RASEF: variants seen among roughly 807,000 people sequenced by gnomAD.
The protein encoded by RASEF is RAS and EF-hand domain containing.
In RASEF, 68 loss-of-function variants were observed where a neutral mutation model predicts 90.1. The observed-to-expected ratio is 0.75, with a 90% CI of 0.62 to 0.92. RASEF has a LOEUF of 0.92. Ranked by LOEUF, RASEF falls within the 40% of genes least tolerant of loss-of-function variation. The probability of loss-of-function intolerance (pLI) is 0.00; values close to 1 mark genes in which losing one functional copy is unlikely to be tolerated. For synonymous variants in RASEF, 331 were observed against 345.2 expected, an observed-to-expected ratio of 0.96 and a Z score of 0.46; for missense variants, 949 against 937.2, an observed-to-expected ratio of 1.01 and a Z score of -0.16.
In RASEF at chr9:83,062,963, C is replaced by T. The variant is rs1234253013; in HGVS notation, c.-96G>A. The T allele has an allele frequency of 7.7e-6, 10 of 1,291,268 alleles. No homozygotes were observed. The East Asian group carries it at 2.5e-4, about 32-fold the overall frequency. The allele number at this position is 1,291,268 out of a possible 1,614,324, so 80.0% of individuals were successfully genotyped here. On this transcript the variant is annotated 5_prime_UTR_variant, in exon 1 of 17. Coordinates refer to ENST00000376447, the MANE Select transcript of RASEF (RefSeq NM_152573.4). The stretch of plus-strand genomic sequence containing the variant: ...GGCCACCTGCTGCCGCCGGGAGGCC[C>T]GGCGAGTTTGGCTCGTCCGGCTGGT...
At chr9:83,085,366 G>A in the RASEF span, among the ~76,000 whole-genome samples, 4 of 152,214 alleles carry the variant, frequency 2.6e-5, no homozygotes, top group African/African-American at 4.8e-5. Context: ...GGACACAGTG[G>A]CTCACGCCTG....
At chr9:83,009,791 A>G (rs1462233972) in intron 5 of RASEF, 35 bp from the exon 6 acceptor site, 1 of 1,333,064 alleles carries the variant, frequency 7.5e-7, no homozygotes, top group Non-Finnish European at 1.1e-6. Context: ...CATTAGATTC[A>G]GATTTTCCTC....
rs78037900 is a variant in RASEF at position 83,043,221 on chromosome 9, C to T, written c.432-17300G>A. 6.9e-3 allele frequency among the ~76,000 whole-genome samples: 1,044 copies of T among 152,196 alleles called. 10 individuals carry two copies. The highest frequency in any genetic ancestry group is 0.024 in the African/African-American group (1,002 of 41,508). ...TTTAGTAAACTGGATAAATCAATTG[C>T]GGTATTTTCACACTGTGGAATAGAC... On this transcript the variant is annotated intron_variant, in intron 1 of 16. Coordinates refer to ENST00000376447, the MANE Select transcript of RASEF (RefSeq NM_152573.4).
At position 83,005,491 on chromosome 9, in the gene RASEF, G is replaced by A; in HGVS notation, c.1038C>T (p.Asn346=). The change falls in exon 8 of 17, where the codon AAC becomes AAT. Residue 346 remains asparagine, a synonymous_variant. Transcript: ENST00000376447. Reference sequence around the variant, plus strand: ...CATCATTACTGTCATGTAGCTTCCGGTTAGCTGTTCTGCAGGGTAAAGAAA... The same window carrying A: ...CATCATTACTGTCATGTAGCTTCCGATTAGCTGTTCTGCAGGGTAAAGAAA... The part of the protein sequence containing the change: ...ERQIEILQTA[N]RKLHDSNDGL... The A allele has an allele frequency of 1.2e-6, 2 of 1,613,494 alleles. No individual in the cohort carries two copies. The highest frequency in any genetic ancestry group is 3.3e-4 in the Middle Eastern group (2 of 6,060).
At chr9:83,033,027 C>T (rs1333034124) in intron 1 of RASEF, among the ~76,000 whole-genome samples, 1 of 152,146 alleles carries the variant, frequency 6.6e-6, no homozygotes, top group Admixed American at 6.5e-5. Context: ...GAAAACTGGC[C>T]TTTAGATCCC....
At chr9:83,071,525 C>A in the RASEF span, among the ~76,000 whole-genome samples, 2 of 152,150 alleles carry the variant, frequency 1.3e-5, no homozygotes, top group Non-Finnish European at 2.9e-5. Flanking sequence ...CCCACCTCAG[C>A]CTCTTGAGTA....
At position 83,035,553 on chromosome 9, in the gene RASEF, G is replaced by A. The variant is rs551600788; in HGVS notation, c.432-9632C>T. Among the ~76,000 whole-genome samples the A allele has an allele frequency of 3.4e-3, 516 of 152,264 alleles. 5 individuals carry two copies. The highest frequency in any genetic ancestry group is 0.012 in the African/African-American group (496 of 41,552). On this transcript the variant is annotated intron_variant, in intron 1 of 16. Coordinates refer to ENST00000376447, the MANE Select transcript of RASEF (RefSeq NM_152573.4). ...TACAGTATGTATGTGCTATACGTGT[G>A]TACATGTATATGTAAGAATATGCAG... is the stretch of plus-strand genomic sequence containing the variant.
At chr9:83,070,899 A>G in the RASEF span, among the ~76,000 whole-genome samples, 1 of 152,224 alleles carries the variant, frequency 6.6e-6, no homozygotes, top group Non-Finnish European at 1.5e-5. Context: ...AAGACATAAC[A>G]CTTTAATTTC....
chr9:83,039,074 T>A (rs2118631675), intron 1 of RASEF, among the ~76,000 whole-genome samples: 1 of 152,288 alleles, frequency 6.6e-6, no homozygotes, highest in South Asian at 2.1e-4. Context: ...AGAAACAAAT[T>A]CTTCCCTCCC....
At chr9:83,014,160 T>C (rs1238968736) in intron 4 of RASEF, among the ~76,000 whole-genome samples, 2 of 152,222 alleles carry the variant, frequency 1.3e-5, no homozygotes, top group Non-Finnish European at 1.5e-5. Flanking sequence ...GTAAGCATAG[T>C]ATGCATGGCC....
At chr9:83,081,401 TTTTTG>T in the RASEF span, among the ~76,000 whole-genome samples, 1 of 152,234 alleles carries the variant, frequency 6.6e-6, no homozygotes, top group Non-Finnish European at 1.5e-5. Context: ...ATGACTCTGG[TTTTTG>T]TTTTGTTTTG....
At chr9:83,212,313 A>G in the RASEF span, among the ~76,000 whole-genome samples, 2 of 152,152 alleles carry the variant, frequency 1.3e-5, no homozygotes, top group Non-Finnish European at 2.9e-5. Flanking sequence ...ATTACCTCTC[A>G]CTTTTAATTA....
intron 16 of RASEF, among the ~76,000 whole-genome samples, chr9:82,989,769 T>A (rs1255337450): frequency 6.6e-6 from 1 of 152,172 alleles, no homozygotes; most frequent in Non-Finnish European, 1.5e-5. Context: ...TCTAGGCCAG[T>A]AAAGAATAAT....
At chr9:83,101,280 G>T in the RASEF span, among the ~76,000 whole-genome samples, 1 of 152,094 alleles carries the variant, frequency 6.6e-6, no homozygotes, top group Non-Finnish European at 1.5e-5. Flanking sequence ...AATTTTCCAG[G>T]TTCCTGACTA....
At chr9:83,056,083 C>T (rs1830096770) in intron 1 of RASEF, among the ~76,000 whole-genome samples, 1 of 152,184 alleles carries the variant, frequency 6.6e-6, no homozygotes, top group South Asian at 2.1e-4. Context: ...AACATTTGCA[C>T]TACTGGAGCT....
At chr9:83,021,842 A>G (rs1331967491) in intron 3 of RASEF, among the ~76,000 whole-genome samples, 1 of 152,218 alleles carries the variant, frequency 6.6e-6, no homozygotes, top group Non-Finnish European at 1.5e-5. Flanking sequence ...CCTGGAACCA[A>G]TCCCCTTGGG....
At position 83,062,690 on chromosome 9, in the gene RASEF, C is replaced by G; in HGVS notation, c.178G>C (p.Gly60Arg). ...GCGAACTCCTGGAAGGTGATGGCGCCGTCACGGTCGGCGTCCAGCCGCTGG... is the reference window on the plus strand; with the variant it reads ...GCGAACTCCTGGAAGGTGATGGCGCGGTCACGGTCGGCGTCCAGCCGCTGG... The part of the protein sequence containing the change: ...VFQRLDADRD[G>R]AITFQEFARG... The change falls in exon 1 of 17, where the codon GGC becomes CGC. Residue 60 changes from glycine (G) to arginine (R), a missense_variant. Coordinates refer to ENST00000376447, the MANE Select transcript of RASEF (RefSeq NM_152573.4). The G allele has an allele frequency of 1.3e-6, 2 of 1,574,806 alleles. No homozygotes were observed. Among genetic ancestry groups the G allele is most frequent in the Non-Finnish European group, 1.7e-6 (2 of 1,169,134 alleles).
chr9:83,136,909 T>G, the RASEF span, among the ~76,000 whole-genome samples: 4 of 152,146 alleles, frequency 2.6e-5, no homozygotes, highest in African/African-American at 9.6e-5. Flanking sequence ...TAAACATGTC[T>G]ATTTTTGAAG....
At chr9:82,988,572 G>C (rs1413819592) in intron 16 of RASEF, among the ~76,000 whole-genome samples, 3 of 152,142 alleles carry the variant, frequency 2.0e-5, no homozygotes, top group Non-Finnish European at 4.4e-5. Flanking sequence ...AATCAAGCGG[G>C]TGGCTCTCTC....
Sources: gnomAD v4.1 joint callset for allele counts (sites outside exome capture counted in the v4.1 genomes callset) on GRCh38, gnomAD v4.1.1 for gene constraint, MANE v1.5 for transcripts, NCBI Gene and HGNC (gene_info 2026-07-23, HGNC 2026-07-21) for gene names.